Variants in ATP13A3 observed in about 807,000 individuals in gnomAD.
The protein encoded by ATP13A3 is ATPase 13A3, also known as polyamine-transporting ATPase 13A3.
A neutral mutation model predicts 158.1 loss-of-function variants in ATP13A3; 59 were observed. The observed-to-expected ratio is 0.37, with a 90% confidence interval of 0.30 to 0.46. The LOEUF is 0.46. Among genes scored for constraint, ATP13A3 ranks in the 20% least tolerant of loss-of-function variants. The pLI, the probability that ATP13A3 is intolerant of heterozygous loss-of-function variation, is 1.00. For synonymous variants in ATP13A3, 491 were observed against 504.3 expected (o/e 0.97, Z 0.35); for missense variants, 1,166 against 1,525.2 (o/e 0.76, Z 3.92).
rs573977591 is a variant in ATP13A3 at position 194,446,811 on chromosome 3, T to C, written c.1497+116A>G. 158 of 998,932 alleles carry C rather than the reference T, an allele frequency of 1.6e-4. No homozygotes were observed. In the African/African-American group the frequency reaches 2.5e-3, roughly 16 times the overall value. 61.9% of individuals were successfully genotyped at this position (998,932 alleles called of 1,614,324 possible). On this transcript the variant is annotated intron_variant, in intron 14 of 33. Transcript: ENST00000645319. ...CAAATAAGTGGAGGAAAAGGAAAATTAGAGGAACATGACAGAATGTGTCCA... is the reference window on the plus strand; with the variant it reads ...CAAATAAGTGGAGGAAAAGGAAAATCAGAGGAACATGACAGAATGTGTCCA...
chr3:194,437,677 G>T, intron 17 of ATP13A3, 104 bp from the exon 18 acceptor site: 1 of 1,190,476 alleles, frequency 8.4e-7, no homozygotes, highest in Non-Finnish European at 1.2e-6. Flanking sequence ...ATTTGGAAAA[G>T]AAACAAGCAA....
At chr3:194,487,090 C>A (rs1721038230), upstream of ATP13A3, 1 of 139,390 alleles carries the variant, frequency 7.2e-6, no homozygotes, top group Non-Finnish European at 1.6e-5. Context: ...GGGGAAGGGG[C>A]GGGGAGGGGC....
chr3:194,443,786 AAAAGT>A (rs1212419588), intron 15 of ATP13A3, among the ~76,000 whole-genome samples: 1 of 152,196 alleles, frequency 6.6e-6, no homozygotes, highest in African/African-American at 2.4e-5. Flanking sequence ...CAACAGAAAC[AAAAGT>A]AAAGAGATGA....
At chr3:194,435,378 T>A (rs1317936486) in intron 20 of ATP13A3, among the ~76,000 whole-genome samples, 11 of 152,080 alleles carry the variant, frequency 7.2e-5, no homozygotes. Flanking sequence ...GTCAAGGAAA[T>A]CTTACCCTCT....
chr3:194,446,941 C>T lies in ATP13A3; in HGVS notation c.1483G>A (p.Val495Ile). ...RINICGQLNLVCFDKTGTLTE... is the reference protein window; with the variant it reads ...RINICGQLNLICFDKTGTLTE... ...ACTGAACCCACCTTGTCAAAGCAAA[C>T]AAGATTGAGCTGTCCACAAATATTT... The change falls in exon 14 of 34, where the codon GTT becomes ATT. Residue 495 changes from valine (V) to isoleucine (I), a missense_variant. Val to Ile is a conservative substitution (Grantham distance 29). This residue lies in a region of ATP13A3 where 997 missense variants were observed against 1,341.2 expected (regional missense o/e 0.74). Transcript: ENST00000645319. 1 of 1,604,660 alleles carries T rather than the reference C, an allele frequency of 6.2e-7. No individual in the cohort carries two copies. The highest frequency in any genetic ancestry group is 1.1e-5 in the South Asian group (1 of 88,518).
intron 2 of ATP13A3, among the ~76,000 whole-genome samples, chr3:194,479,705 A>C (rs998209632): frequency 1.3e-5 from 2 of 152,166 alleles, no homozygotes; most frequent in Non-Finnish European, 2.9e-5. Context: ...CTTTAAAAAA[A>C]AAGTAGAAAT....
At position 194,413,780 on chromosome 3, in the gene ATP13A3, G is replaced by A. The variant is rs761241122; in HGVS notation, c.3462C>T (p.Ala1154=). The A allele has an allele frequency of 1.2e-6, 2 of 1,613,536 alleles. No homozygotes were observed. The highest frequency in any genetic ancestry group is 1.3e-5 in the African/African-American group (1 of 74,860). Residue 1154 remains alanine (A), a synonymous_variant, in exon 32 of 34, where the codon GCC becomes GCT. Coordinates refer to ENST00000645319, the MANE Select transcript of ATP13A3 (RefSeq NM_001367549.1). Reference sequence around the variant, plus strand: ...TTACCTCCACTGTGATAGACACAAAGGCATTGACAAGAACAATGATGAGCA... The same window carrying A: ...TTACCTCCACTGTGATAGACACAAAAGCATTGACAAGAACAATGATGAGCA... ...VTMLIIVLVN[A]FVSITVENFF...
chr3:194,447,626 C>G (rs759790888), intron 13 of ATP13A3, among the ~76,000 whole-genome samples: 11 of 151,246 alleles, frequency 7.3e-5, no homozygotes, highest in Middle Eastern at 3.4e-3. Context: ...ACCATCTAAA[C>G]CAGAGGCACC....
intron 2 of ATP13A3, among the ~76,000 whole-genome samples, chr3:194,493,379 G>C (rs1721167323): frequency 6.6e-6 from 1 of 152,054 alleles, no homozygotes; most frequent in African/African-American, 2.4e-5. Context: ...TGAGCGCACG[G>C]CTCACCCCTG....
chr3:194,462,987 C>A (rs1464502348), intron 2 of ATP13A3, among the ~76,000 whole-genome samples: 2 of 152,206 alleles, frequency 1.3e-5, no homozygotes, highest in Non-Finnish European at 2.9e-5. Context: ...GCTAAAAGTA[C>A]TTCACACAAC....
At chr3:194,444,429 A>G (rs1414844681) in intron 15 of ATP13A3, among the ~76,000 whole-genome samples, 1 of 152,232 alleles carries the variant, frequency 6.6e-6, no homozygotes, top group East Asian at 1.9e-4. Context: ...ACATATGTAC[A>G]GTATATCATT....
rs201672403 is a variant in ATP13A3 at position 194,437,290 on chromosome 3, A to G, written c.1999+21T>C. 22 of 1,614,066 alleles carry G rather than the reference A, an allele frequency of 1.4e-5. No homozygotes were observed. In the Admixed American group the frequency reaches 2.2e-4, roughly 16 times the overall value. ...TTACTCAAATACCAGAATTGTACCC[A>G]AAGCATAGATATTTCCTTACCTGTT... On this transcript the variant is annotated intron_variant, in intron 19 of 33. Coordinates refer to ENST00000645319, the MANE Select transcript of ATP13A3 (RefSeq NM_001367549.1).
At chr3:194,414,481 C>T (rs1444646445) in intron 31 of ATP13A3, among the ~76,000 whole-genome samples, 1 of 147,700 alleles carries the variant, frequency 6.8e-6, no homozygotes, top group East Asian at 2.0e-4. Context: ...AAAAGAGGTA[C>T]CAATCTAATA....
In ATP13A3 at chr3:194,462,169, T is replaced by C; in HGVS notation, c.22A>G (p.Thr8Ala). The C allele has an allele frequency of 6.2e-7, 1 of 1,614,096 alleles. No homozygotes were observed. The highest frequency in any genetic ancestry group is 8.5e-7 in the Non-Finnish European group (1 of 1,179,948). MDREERK[T>A]INQGQEDEME... is the part of the protein sequence containing the mutation. ...TCATCTTCTTGACCCTGATTGATGG[T>C]CTTCCTTTCTTCCCTGTCCATACCT... Residue 8 changes from threonine to alanine, a missense_variant, in exon 3 of 34, where the codon ACC becomes GCC. Thr to Ala is a moderately conservative substitution (Grantham distance 58, BLOSUM62 0). This residue lies in a region of ATP13A3 where 65 missense variants were observed against 92.4 expected (regional missense o/e 0.70). Transcript: ENST00000645319.
In ATP13A3 at chr3:194,453,739, T is replaced by C. The variant is rs764945224; in HGVS notation, c.805A>G (p.Thr269Ala). ...MLHDMVATHS[T>A]VRVSVCRVNE... The stretch of plus-strand genomic sequence containing the variant: ...ACTCTACAAACTGAAACTCTTACGG[T>C]ACTATGAGTTGCCACCATGTCATGC... Residue 269 changes from threonine to alanine, a missense_variant, in exon 10 of 34, where the codon ACC becomes GCC. This residue lies in a region of ATP13A3 where 997 missense variants were observed against 1,341.2 expected (regional missense o/e 0.74). Coordinates refer to ENST00000645319, the MANE Select transcript of ATP13A3 (RefSeq NM_001367549.1). 2.5e-6 allele frequency: 4 copies of C among 1,613,612 alleles called. No individual in the cohort carries two copies. The African/African-American group carries it at 5.3e-5, about 22-fold the overall frequency.
intron 20 of ATP13A3, among the ~76,000 whole-genome samples, chr3:194,436,158 C>T (rs1302763024): frequency 6.6e-6 from 1 of 151,962 alleles, no homozygotes; most frequent in Non-Finnish European, 1.5e-5. Context: ...TTAGACCTCA[C>T]CACCTCCCCC....
chr3:194,426,057 G>C (rs1716746131), intron 29 of ATP13A3, among the ~76,000 whole-genome samples: 1 of 152,160 alleles, frequency 6.6e-6, no homozygotes, highest in African/African-American at 2.4e-5. Flanking sequence ...CACAGAAACA[G>C]CTAACGATGA....
intron 3 of ATP13A3, 46 bp from the exon 4 acceptor site, chr3:194,460,877 T>A (rs1360632152): frequency 6.4e-7 from 1 of 1,563,530 alleles, no homozygotes; most frequent in Non-Finnish European, 8.7e-7. Context: ...AATGATAAAA[T>A]GATATGGCAG....
chr3:194,453,797 GT>G lies in ATP13A3; in HGVS notation c.766-20del. Reference sequence around the variant, plus strand: ...CATATTGCTGAAAGAGGAAAAAGAAGTTAGAAACTAGCCAATATGAACCCAC... The same window carrying G: ...CATATTGCTGAAAGAGGAAAAAGAAGTAGAAACTAGCCAATATGAACCCAC... On this transcript the variant is annotated intron_variant, in intron 9 of 33. Coordinates refer to ENST00000645319, the MANE Select transcript of ATP13A3 (RefSeq NM_001367549.1). 1 of 1,603,902 alleles carries G rather than the reference GT, an allele frequency of 6.2e-7. No individual in the cohort carries two copies. Among genetic ancestry groups the G allele is most frequent in the Non-Finnish European group, 8.5e-7 (1 of 1,172,152 alleles).
Sources: gnomAD v4.1 joint callset for allele counts (sites outside exome capture counted in the v4.1 genomes callset) on GRCh38, gnomAD v4.1.1 for gene constraint, gnomAD v4.1.1 regional missense constraint, MANE v1.5 for transcripts, NCBI Gene and HGNC (gene_info 2026-07-23, HGNC 2026-07-21) for gene names.